Variants in GLYATL1 observed in about 807,000 individuals in gnomAD.
GLYATL1 encodes the protein glycine-N-acyltransferase like 1.
In GLYATL1, 15 loss-of-function variants were observed where a neutral mutation model predicts 20.0. That is an observed-to-expected ratio of 0.75 (90% confidence interval 0.50 to 1.15). GLYATL1 has a LOEUF of 1.15. Among genes scored for constraint, GLYATL1 ranks in the 50% most tolerant of loss-of-function variants. GLYATL1 has a pLI of 0.00. For missense variants in GLYATL1, 380 were observed against 368.5 expected (o/e 1.03, Z -0.26); for synonymous variants, 151 against 131.5 (o/e 1.15, Z -1.01).
At position 58,955,645 on chromosome 11, in the gene GLYATL1, T is replaced by G. The variant is rs187369530; in HGVS notation, c.527T>G (p.Val176Gly). 1.2e-6 allele frequency: 2 copies of G among 1,614,124 alleles called. No homozygotes were observed. Among genetic ancestry groups the G allele is most frequent in the Admixed American group, 3.3e-5 (2 of 60,016 alleles). The change falls in exon 7 of 7, where the codon GTC (valine) becomes GGC (glycine). Residue 176 changes from valine to glycine, a missense_variant. Val to Gly is a moderately radical substitution (Grantham distance 109, BLOSUM62 -3). Coordinates refer to ENST00000532726, the MANE Select transcript of GLYATL1 (RefSeq NM_001389712.2). ...TPNFKYAQLD[V>G]SYSGLVNDNW... ...AACTTTAAGTATGCCCAGCTGGATG[T>G]CTCTTATTCTGGGCTGGTAAATGAC... is the stretch of plus-strand genomic sequence containing the variant.
chr11:58,949,378 C>G (rs1856809175), intron 4 of GLYATL1, among the ~76,000 whole-genome samples: 1 of 152,170 alleles, frequency 6.6e-6, no homozygotes, highest in South Asian at 2.1e-4. Flanking sequence ...GAGCCTAACA[C>G]CTTCCTCAGG....
intron 4 of GLYATL1, among the ~76,000 whole-genome samples, chr11:58,953,174 A>G (rs143053297): frequency 2.8e-3 from 428 of 152,316 alleles, no homozygotes; most frequent in African/African-American, 9.8e-3. Context: ...CTACTTTTTA[A>G]AAGGTAGATG....
chr11:58,950,846 G>A (rs1477503109), intron 4 of GLYATL1, among the ~76,000 whole-genome samples: 1 of 151,894 alleles, frequency 6.6e-6, no homozygotes, highest in Non-Finnish European at 1.5e-5. Flanking sequence ...ATGTTTCTCG[G>A]TCATTTGGTG....
At chr11:58,955,012 G>A (rs1345874513) in intron 5 of GLYATL1, 116 bp downstream of exon 5, 2 of 1,299,130 alleles carry the variant, frequency 1.5e-6, no homozygotes, top group Admixed American at 4.5e-5. Flanking sequence ...AAACTCTGGG[G>A]ACTGGGAGAG....
At chr11:58,922,060 C>T (rs1036038423) in intron 1 of GLYATL1, among the ~76,000 whole-genome samples, 2 of 152,196 alleles carry the variant, frequency 1.3e-5, no homozygotes, top group African/African-American at 4.8e-5. Context: ...AGGATTGTCT[C>T]TTGTTAGCTC....
At chr11:58,940,300 T>C (rs1409033405) in intron 1 of GLYATL1, among the ~76,000 whole-genome samples, 1 of 152,210 alleles carries the variant, frequency 6.6e-6, no homozygotes, top group African/African-American at 2.4e-5. Context: ...AAAATTTTGG[T>C]TCACAGCCTT....
chr11:58,924,090 C>T (rs997731804), upstream of GLYATL1, among the ~76,000 whole-genome samples: 8 of 152,146 alleles, frequency 5.3e-5, no homozygotes, highest in Non-Finnish European at 1.0e-4. Context: ...GCTGAGTGTC[C>T]GACCGCCTGC....
intron 3 of GLYATL1, 52 bp downstream of exon 3, chr11:58,947,217 G>T: frequency 6.3e-7 from 1 of 1,579,044 alleles, no homozygotes. Context: ...TTGAGGATGA[G>T]AAAATAGCAG....
upstream of GLYATL1, among the ~76,000 whole-genome samples, chr11:58,938,786 C>T (rs1031807526): frequency 2.0e-5 from 3 of 152,138 alleles, no homozygotes; most frequent in African/African-American, 4.8e-5. Flanking sequence ...CCCATATGCA[C>T]GTGCTGAGTT....
At chr11:58,952,553 T>C (rs1857071693) in intron 4 of GLYATL1, among the ~76,000 whole-genome samples, 1 of 152,240 alleles carries the variant, frequency 6.6e-6, no homozygotes. Flanking sequence ...CTACATTTTA[T>C]TTTTTAATTT....
chr11:58,947,240 A>G, intron 3 of GLYATL1, 75 bp downstream of exon 3: 1 of 1,537,128 alleles, frequency 6.5e-7, no homozygotes, highest in Non-Finnish European at 8.7e-7. Context: ...TTGTGATTCT[A>G]GTCCTTCCTG....
Position 58,914,644 on chromosome 11 carries a change from G to A in GLYATL1, n.264+8983G>A, listed in dbSNP as rs545441694. 3.9e-5 allele frequency among the ~76,000 whole-genome samples: 6 copies of A among 152,288 alleles called. No individual in the cohort carries two copies. In the South Asian group the frequency reaches 1.0e-3, roughly 26 times the overall value. The stretch of plus-strand genomic sequence containing the variant: ...AGGCAAAGGGTAAAGATTGGTCATT[G>A]TTCTGGTCCTGTGTGCATGGAGGTG... On this transcript the variant is annotated intron_variant and non_coding_transcript_variant, in intron 1 of 2. Transcript: ENST00000534674.
Position 58,950,861 on chromosome 11 carries a change from C to G in GLYATL1, c.186+2896C>G, listed in dbSNP as rs147676647. ...ATGTTTCTCGGTCATTTGGTGTTTA[C>G]TTTTGACCTGTTTATATTCTTTGAC... On this transcript the variant is annotated intron_variant, in intron 4 of 6. Transcript: ENST00000532726. Among the ~76,000 whole-genome samples the G allele has an allele frequency of 4.2e-3, 635 of 152,042 alleles. 3 individuals are homozygous for G. The highest frequency in any genetic ancestry group is 0.014 in the African/African-American group (594 of 41,478).
At chr11:58,920,648 G>C (rs1396221943) in intron 1 of GLYATL1, among the ~76,000 whole-genome samples, 1 of 152,334 alleles carries the variant, frequency 6.6e-6, no homozygotes, top group East Asian at 1.9e-4. Flanking sequence ...AAGATGGAGA[G>C]AAAGGTAGCC....
intron 6 of GLYATL1, 94 bp from the exon 7 acceptor site, chr11:58,955,516 C>A: frequency 6.9e-7 from 1 of 1,442,028 alleles, no homozygotes; most frequent in Non-Finnish European, 9.5e-7. Context: ...AGTCTTTAAA[C>A]AAGAAGAGTT....
chr11:58,952,534 T>C (rs1857069946), intron 4 of GLYATL1, among the ~76,000 whole-genome samples: 1 of 152,230 alleles, frequency 6.6e-6, no homozygotes, highest in East Asian at 1.9e-4. Flanking sequence ...TAAAATAATC[T>C]GATTTTGGCT....
At chr11:58,915,169 C>T (rs1007995894) in intron 1 of GLYATL1, among the ~76,000 whole-genome samples, 1 of 152,208 alleles carries the variant, frequency 6.6e-6, no homozygotes, top group Non-Finnish European at 1.5e-5. Flanking sequence ...CAAAGCATAA[C>T]AATATCTCCA....
chr11:58,943,122 C>A, intron 1 of GLYATL1: 3 of 723,072 alleles, frequency 4.1e-6, no homozygotes, highest in Non-Finnish European at 6.1e-6. Context: ...TTGAAACAAA[C>A]TAATTACAGC....
intron 1 of GLYATL1, among the ~76,000 whole-genome samples, chr11:58,932,755 A>T (rs893139927): frequency 2.0e-5 from 3 of 152,252 alleles, no homozygotes; most frequent in Non-Finnish European, 4.4e-5. Flanking sequence ...ACAAAAGTTT[A>T]CTATTTATAC....
Sources: allele counts gnomAD v4.1 joint callset (sites outside exome capture counted in the v4.1 genomes callset), GRCh38; gene constraint gnomAD v4.1.1; transcripts MANE v1.5; gene names NCBI Gene and HGNC (gene_info 2026-07-23, HGNC 2026-07-21).